The following ANKRD42 variants were observed in gnomAD, a reference collection of about 807,000 sequenced individuals.
ANKRD42 encodes ankyrin repeat domain-containing protein 42.
A neutral mutation model predicts 51.5 loss-of-function variants in ANKRD42; 43 were observed. The ratio of observed to expected loss-of-function variants is 0.83; its 90% CI spans 0.65 to 1.08. The LOEUF (loss-of-function observed/expected upper bound fraction) is 1.08. ANKRD42 is among the 50% of genes least tolerant of loss of function. The pLI is 0.00. For synonymous variants in ANKRD42, 203 were observed against 213.0 expected, an observed-to-expected ratio of 0.95 and a Z score of 0.41; for missense variants, 608 against 629.3, an observed-to-expected ratio of 0.97 and a Z score of 0.36.
rs1292083194 is a variant in ANKRD42 at position 83,255,914 on chromosome 11, G to A, written c.1534G>A (p.Val512Met). The stretch of plus-strand genomic sequence containing the variant: ...AAAAAAAAAGGTTTCTTCTGGAGGG[G>A]TGTTTGTGAGAAGGTACTAATCAGT... Residue 512 changes from valine to methionine, a missense_variant, in exon 12 of 12, where the codon GTG becomes ATG. By Grantham distance (21) the Val-to-Met change is conservative (BLOSUM62 1). Coordinates refer to the ANKRD42 transcript ENST00000260047. The A allele has an allele frequency of 1.3e-5, 20 of 1,533,396 alleles. No homozygotes were observed. The East Asian group carries it at 4.7e-4, about 36-fold the overall frequency. The allele number at this position is 1,533,396 out of a possible 1,614,324, so 95.0% of individuals were successfully genotyped here. A position where few individuals can be genotyped will look rare whatever the true frequency, so the allele number is the denominator to read the frequency against.
chr11:83,242,647 C>A (rs1423763111), intron 9 of ANKRD42, among the ~76,000 whole-genome samples: 1 of 146,542 alleles, frequency 6.8e-6, no homozygotes, highest in African/African-American at 2.6e-5. Context: ...CTCACTGCAA[C>A]CTCCGCCTCC....
At chr11:83,230,771 A>G (rs1863045892) in intron 7 of ANKRD42, among the ~76,000 whole-genome samples, 1 of 152,080 alleles carries the variant, frequency 6.6e-6, no homozygotes, top group South Asian at 2.1e-4. Flanking sequence ...TATTTTTAGT[A>G]GAGACGGGGT....
downstream of ANKRD42, among the ~76,000 whole-genome samples, chr11:83,250,229 TCCTCGGC>T (rs1863650751): frequency 6.6e-6 from 1 of 152,130 alleles, no homozygotes; most frequent in Non-Finnish European, 1.5e-5. Context: ...TACCTTAAGA[TCCTCGGC>T]CCCCAACATA....
downstream of ANKRD42, among the ~76,000 whole-genome samples, chr11:83,256,724 C>T (rs1447524752): frequency 6.6e-6 from 1 of 152,140 alleles, no homozygotes; most frequent in African/African-American, 2.4e-5. Context: ...CTTGCATATA[C>T]TTCATGTGGA....
At chr11:83,232,609 A>G (rs963104746) in intron 7 of ANKRD42, among the ~76,000 whole-genome samples, 14 of 152,104 alleles carry the variant, frequency 9.2e-5, no homozygotes, top group African/African-American at 3.4e-4. Flanking sequence ...TTATTGCTCT[A>G]GCTGGGACTT....
At chr11:83,257,460 A>C, downstream of ANKRD42, 2 of 374,884 alleles carry the variant, frequency 5.3e-6, no homozygotes, top group African/African-American at 2.1e-5. Flanking sequence ...TTTGGTCAGC[A>C]AAGCACATTT....
downstream of ANKRD42, chr11:83,249,032 T>C (rs961804318): frequency 1.0e-6 from 1 of 967,272 alleles, no homozygotes; most frequent in African/African-American, 1.8e-5. Flanking sequence ...TGGGGAAAAT[T>C]TAGTATCAGA....
Position 83,193,832 on chromosome 11 carries a change from G to C in ANKRD42, c.-839G>C. The C allele has an allele frequency of 2.2e-6, 1 of 455,674 alleles. No homozygotes were observed. Among genetic ancestry groups the C allele is most frequent in the Non-Finnish European group, 4.4e-6 (1 of 226,262 alleles). 28.2% of individuals were successfully genotyped at this position (455,674 alleles called of 1,614,324 possible). A position where few individuals can be genotyped will look rare whatever the true frequency, so the allele number is the denominator to read the frequency against. ...GGCCGCCGCTACGGCGATTCGCAGG[G>C]AGTAGCAGACGAAGACGGTGGCCGC... On this transcript the variant is annotated 5_prime_UTR_variant, in exon 1 of 11. Transcript: ENST00000533342.
At chr11:83,210,561 T>C (rs1044022724) in intron 4 of ANKRD42, 142 bp downstream of exon 4, 1 of 1,083,484 alleles carries the variant, frequency 9.2e-7, no homozygotes. Context: ...CTAGCTTTTC[T>C]ATCTTTAAAC....
intron 10 of ANKRD42, 90 bp from the exon 11 acceptor site, chr11:83,247,853 T>A: frequency 1.8e-6 from 2 of 1,134,232 alleles, no homozygotes; most frequent in Non-Finnish European, 2.5e-6. Flanking sequence ...TTTATTTGCC[T>A]TAAATACAAT....
chr11:83,212,565 A>G (rs1481294323), intron 5 of ANKRD42: 1 of 1,085,294 alleles, frequency 9.2e-7, no homozygotes, highest in Admixed American at 2.0e-5. Flanking sequence ...TGAAAATGAT[A>G]CTTAAATGAT....
intron 10 of ANKRD42, among the ~76,000 whole-genome samples, chr11:83,246,340 A>G (rs529600222): frequency 9.2e-5 from 14 of 152,238 alleles, no homozygotes; most frequent in African/African-American, 3.4e-4. Context: ...ATGCATATAG[A>G]TTATATGCAG....
At chr11:83,241,026 C>T in intron 9 of ANKRD42, 92 bp downstream of exon 9, 2 of 1,361,060 alleles carry the variant, frequency 1.5e-6, no homozygotes, top group South Asian at 1.4e-5. Context: ...AAGACAAATA[C>T]TGCCTACAAA....
At chr11:83,243,967 C>CTTTTTT (rs66756456) in intron 9 of ANKRD42, among the ~76,000 whole-genome samples, 706 of 66,970 alleles carry the variant, frequency 0.011, 105 homozygotes, top group Middle Eastern at 0.028. Context: ...CCTGGCTGCC[C>CTTTTTT]TTTTTTTTTT....
At chr11:83,247,393 T>A (rs1863575884) in intron 10 of ANKRD42, among the ~76,000 whole-genome samples, 1 of 152,144 alleles carries the variant, frequency 6.6e-6, no homozygotes. Flanking sequence ...TAAATGATTC[T>A]ATCACATTGG....
At chr11:83,235,841 C>G (rs1230600374) in intron 7 of ANKRD42, among the ~76,000 whole-genome samples, 1 of 152,126 alleles carries the variant, frequency 6.6e-6, no homozygotes, top group Non-Finnish European at 1.5e-5. Flanking sequence ...AAGATTTGGA[C>G]AAAGGTGGTA....
At chr11:83,258,687 CAGT>C (rs1565202628), downstream of ANKRD42, among the ~76,000 whole-genome samples, 1 of 152,108 alleles carries the variant, frequency 6.6e-6, no homozygotes, top group African/African-American at 2.4e-5. Context: ...AAATAGCAAT[CAGT>C]AGTTTCAGTG....
downstream of ANKRD42, among the ~76,000 whole-genome samples, chr11:83,257,952 C>T (rs1278186689): frequency 6.6e-6 from 1 of 152,206 alleles, no homozygotes; most frequent in Non-Finnish European, 1.5e-5. Flanking sequence ...CTTGCCTTTG[C>T]AGCCAAGAGA....
At chr11:83,197,441 A>G (rs1365526290) in intron 1 of ANKRD42, among the ~76,000 whole-genome samples, 2 of 152,246 alleles carry the variant, frequency 1.3e-5, no homozygotes, top group Non-Finnish European at 2.9e-5. Context: ...ATATAAAAAG[A>G]TGTAATAAAA....
Sources: gnomAD v4.1 joint callset for allele counts (sites outside exome capture counted in the v4.1 genomes callset) on GRCh38, gnomAD v4.1.1 for gene constraint, MANE v1.5 for transcripts, NCBI Gene and HGNC (gene_info 2026-07-23, HGNC 2026-07-21) for gene names.